TBCB: variants seen among roughly 807,000 people sequenced by gnomAD.
The protein encoded by TBCB is tubulin folding cofactor B.
A neutral mutation model predicts 29.2 loss-of-function variants in TBCB; 18 were observed. The observed-to-expected ratio is 0.62, with a 90% CI of 0.43 to 0.91. The LOEUF is 0.91. Among genes scored for constraint, TBCB ranks in the 40% least tolerant of loss-of-function variants. The pLI is 0.00. For missense variants in TBCB, 336 were observed against 337.6 expected, an observed-to-expected ratio of 1.00 and a Z score of 0.04; for synonymous variants, 172 against 137.8, an observed-to-expected ratio of 1.25 and a Z score of -1.74.
chr19:36,115,362 A>G (rs1973927636), upstream of TBCB: 2 of 584,934 alleles, frequency 3.4e-6, no homozygotes, highest in Middle Eastern at 4.5e-4. Context: ...GGCTGGCCCA[A>G]GAGTAAGGAG....
intron 4 of TBCB, among the ~76,000 whole-genome samples, chr19:36,125,021 G>C (rs189575453): frequency 2.6e-5 from 4 of 151,980 alleles, no homozygotes; most frequent in Non-Finnish European, 4.4e-5. Context: ...GTCTTTTGTC[G>C]CTGAGTTGTG....
intron 4 of TBCB, among the ~76,000 whole-genome samples, chr19:36,123,376 T>G (rs1974089164): frequency 6.7e-6 from 1 of 149,062 alleles, no homozygotes; most frequent in South Asian, 2.2e-4. Flanking sequence ...TCCTCCCACC[T>G]CGGCCTCCTG....
At chr19:36,120,888 C>A in intron 3 of TBCB, 82 bp downstream of exon 3, 3 of 1,355,422 alleles carry the variant, frequency 2.2e-6, no homozygotes, top group South Asian at 1.2e-5. Flanking sequence ...TTAGACAGGG[C>A]CCCTGCAGGG....
intron 4 of TBCB, 106 bp from the exon 5 acceptor site, chr19:36,125,345 C>A: frequency 8.0e-7 from 1 of 1,243,994 alleles, no homozygotes; most frequent in Non-Finnish European, 1.2e-6. Context: ...TTCACCAAGA[C>A]AGGCTTCTAC....
intron 2 of TBCB, chr19:36,116,849 G>C (rs1397637508): frequency 7.1e-6 from 1 of 141,726 alleles, no homozygotes; most frequent in Non-Finnish European, 1.5e-5. Context: ...TGGAACTCCT[G>C]ACCTCAAGTG....
At position 36,125,923 on chromosome 19, in the gene TBCB, T is replaced by A; in HGVS notation, c.*141T>A. On this transcript the variant is annotated 3_prime_UTR_variant, in exon 6 of 6. Transcript: ENST00000221855. ...CCATTGATTTTTGAGACTCATGCATTAAATTCACTAGAAACCCAGAAAGTA... is the reference window on the plus strand; with the variant it reads ...CCATTGATTTTTGAGACTCATGCATAAAATTCACTAGAAACCCAGAAAGTA... 1.8e-6 allele frequency: 1 copy of A among 558,836 alleles called. No individual in the cohort carries two copies. The highest frequency in any genetic ancestry group is 2.9e-6 in the Non-Finnish European group (1 of 342,822). 34.6% of individuals were successfully genotyped at this position (558,836 alleles called of 1,614,324 possible).
Position 36,125,810 on chromosome 19 carries a change from C to T in TBCB, c.*28C>T. ...CCTAAGGAATTCCCCTGCTTCAGCT[C>T]CTAGCTCAGCCACTGACTGCCCCTC... is the stretch of plus-strand genomic sequence containing the variant. On this transcript the variant is annotated 3_prime_UTR_variant, in exon 6 of 6. Transcript: ENST00000221855. 2 of 1,464,400 alleles carry T rather than the reference C, an allele frequency of 1.4e-6. No homozygotes were observed. Among genetic ancestry groups the T allele is most frequent in the Non-Finnish European group, 1.8e-6 (2 of 1,099,476 alleles). 90.7% of individuals were successfully genotyped at this position (1,464,400 alleles called of 1,614,324 possible). A position where few individuals can be genotyped will look rare whatever the true frequency, so the allele number is the denominator to read the frequency against.
rs1973950843 is a variant in TBCB, at chr19:36,116,181, C to T, written c.255C>T (p.Ile85=). ...GSYPVDDGCR[I]HVIDHSGARL... ...ACCCTGTAGATGACGGCTGCCGCAT[C>T]CACGTGAGGACTCTCTATCTGGGAC... Residue 85 remains isoleucine (I), a synonymous_variant, in exon 2 of 6, where the codon ATC becomes ATT. Coordinates refer to ENST00000221855, the MANE Select transcript of TBCB (RefSeq NM_001281.3). 1 of 1,613,958 alleles carries T rather than the reference C, an allele frequency of 6.2e-7. No homozygotes were observed. The highest frequency in any genetic ancestry group is 8.5e-7 in the Non-Finnish European group (1 of 1,179,886).
At chr19:36,117,547 T>A (rs1252443565) in intron 2 of TBCB, among the ~76,000 whole-genome samples, 1 of 152,030 alleles carries the variant, frequency 6.6e-6, no homozygotes, top group Non-Finnish European at 1.5e-5. Flanking sequence ...AGTTGGGGTT[T>A]CACCATGTTG....
chr19:36,122,781 G>A (rs1218530264), intron 4 of TBCB, among the ~76,000 whole-genome samples: 2 of 151,158 alleles, frequency 1.3e-5, no homozygotes, highest in East Asian at 1.9e-4. Context: ...AAAGATACAC[G>A]GGGTACATAT....
At position 36,125,710 on chromosome 19, in the gene TBCB, C is replaced by T. The variant is rs142727772; in HGVS notation, c.663C>T (p.Gly221=). 114 of 1,582,276 alleles carry T rather than the reference C, an allele frequency of 7.2e-5. No homozygotes were observed. The highest frequency in any genetic ancestry group is 4.9e-4 in the South Asian group (42 of 85,680). The change falls in exon 6 of 6, where the codon GGC becomes GGT. Residue 221 remains glycine, a synonymous_variant. Transcript: ENST00000221855. ...KRYFECQAKY[G]AFVKPAVVTV... is the part of the protein sequence containing the mutation. ...ACTTCGAATGCCAGGCCAAGTATGG[C>T]GCCTTTGTCAAGCCAGCAGTCGTGA...
chr19:36,115,652 G>A lies in TBCB; in HGVS notation c.92G>A (p.Ser31Asn). 1 of 1,573,264 alleles carries A rather than the reference G, an allele frequency of 6.4e-7. No homozygotes were observed. Among genetic ancestry groups the A allele is most frequent in the Non-Finnish European group, 8.6e-7 (1 of 1,157,358 alleles). Residue 31 changes from serine (S) to asparagine (N), a missense_variant, in exon 1 of 6, where the codon AGC (serine) becomes AAC (asparagine). Ser to Asn is a conservative substitution (Grantham distance 46). Coordinates refer to ENST00000221855, the MANE Select transcript of TBCB (RefSeq NM_001281.3). ...TFRSEKRYSR[S>N]LTIAEFKCKL... ...CGCTCCGAGAAGCGATACAGCCGCAGCCTCACCATCGCTGAGTTCAAGGTG... is the reference window on the plus strand; with the variant it reads ...CGCTCCGAGAAGCGATACAGCCGCAACCTCACCATCGCTGAGTTCAAGGTG...
chr19:36,116,730 G>C (rs1429747348), intron 2 of TBCB: 1 of 152,334 alleles, frequency 6.6e-6, no homozygotes, highest in African/African-American at 2.4e-5. Flanking sequence ...CTGGGTTCAA[G>C]TGATCCTTGT....
At chr19:36,125,353 T>A in intron 4 of TBCB, 98 bp from the exon 5 acceptor site, 1 of 1,321,216 alleles carries the variant, frequency 7.6e-7, no homozygotes, top group Non-Finnish European at 1.1e-6. Context: ...GACAGGCTTC[T>A]ACTCAATGGG....
chr19:36,115,265 G>A (rs1973925785), upstream of TBCB: 2 of 532,132 alleles, frequency 3.8e-6, no homozygotes, highest in South Asian at 2.5e-5. Context: ...CTACCTCCGG[G>A]CTTCAGTCTT....
chr19:36,125,637 T>G (rs772580345), intron 5 of TBCB, 31 bp from the exon 6 acceptor site: 20 of 1,603,670 alleles, frequency 1.2e-5, no homozygotes, highest in Non-Finnish European at 1.7e-6. Context: ...GAGGGTCCTC[T>G]GACCACACCC....
intron 2 of TBCB, chr19:36,116,503 T>G (rs1973957318): frequency 3.5e-6 from 1 of 281,784 alleles, no homozygotes. Flanking sequence ...GAGAAAGAGG[T>G]GGAAAGGAGG....
At chr19:36,125,174 C>A (rs1292622199) in intron 4 of TBCB, among the ~76,000 whole-genome samples, 1 of 152,156 alleles carries the variant, frequency 6.6e-6, no homozygotes, top group Non-Finnish European at 1.5e-5. Context: ...GTAGTGCCAT[C>A]CCCCTTAGGT....
intron 2 of TBCB, among the ~76,000 whole-genome samples, chr19:36,119,784 C>G (rs1974013345): frequency 6.6e-6 from 1 of 151,762 alleles, no homozygotes; most frequent in South Asian, 2.1e-4. Context: ...TTTCAGCTGC[C>G]CGGGAGGCTG....
Sources: allele counts gnomAD v4.1 joint callset (sites outside exome capture counted in the v4.1 genomes callset), GRCh38; gene constraint gnomAD v4.1.1; transcripts MANE v1.5; gene names NCBI Gene and HGNC (gene_info 2026-07-23, HGNC 2026-07-21).